RBFOX1: variants seen among roughly 807,000 people sequenced by gnomAD.
The protein encoded by RBFOX1 is RNA binding fox-1 homolog 1, also known as RNA binding protein fox-1 homolog 1.
In RBFOX1, 8 loss-of-function variants were observed where a neutral mutation model predicts 57.7. The ratio of observed to expected loss-of-function variants is 0.14; its 90% CI spans 0.08 to 0.25. RBFOX1 has a LOEUF of 0.25. Among genes scored for constraint, RBFOX1 ranks in the 10% least tolerant of loss-of-function variants. RBFOX1 has a pLI of 1.00. For missense variants in RBFOX1, 611 were observed against 548.5 expected (o/e 1.11, Z -1.14); for synonymous variants, 326 against 222.4 (o/e 1.47, Z -4.15).
intron 9 of RBFOX1, among the ~76,000 whole-genome samples, chr16:7,603,611 A>G (rs909646167): frequency 1.3e-5 from 2 of 152,180 alleles, no homozygotes; most frequent in African/African-American, 2.4e-5. Context: ...GTGAAAAGCT[A>G]GAGAGTTCTC....
chr16:5,961,600 G>T (rs2059750555), intron 4 of RBFOX1, among the ~76,000 whole-genome samples: 1 of 152,122 alleles, frequency 6.6e-6, no homozygotes, highest in Admixed American at 6.5e-5. Context: ...GCTCACTGCA[G>T]CCTCAACCTC....
In RBFOX1 at chr16:6,673,926, G is replaced by C. The variant is rs546405448; in HGVS notation, c.-16+19276G>C. On this transcript the variant is annotated intron_variant, in intron 3 of 15. Coordinates refer to ENST00000550418, the MANE Select transcript of RBFOX1 (RefSeq NM_018723.4). ...ATATTGGGAGGATCCTGAAAGACTG[G>C]CCAGGTGGAATGGATCTGCACACCT... is the stretch of plus-strand genomic sequence containing the variant. 2.0e-5 allele frequency among the ~76,000 whole-genome samples: 3 copies of C among 152,280 alleles called. No homozygotes were observed. The East Asian group carries it at 5.8e-4, about 29-fold the overall frequency.
chr16:5,496,263 T>C (rs1385473592), intron 2 of RBFOX1, among the ~76,000 whole-genome samples: 1 of 152,194 alleles, frequency 6.6e-6, no homozygotes, highest in East Asian at 1.9e-4. Flanking sequence ...CTCTGTACTG[T>C]CACTATTTTC....
rs2082506041 is a variant in RBFOX1, at chr16:6,789,311, AT to A, written c.-16+134662del. ...GCAGTTGATATTTATAGCCAGTGGT[AT>A]AAGACCTTGTCTTCAAGGTGGTGAG... On this transcript the variant is annotated intron_variant, in intron 3 of 15. Transcript: ENST00000550418. Among the ~76,000 whole-genome samples, 6 of 152,330 alleles carry A rather than the reference AT, an allele frequency of 3.9e-5. No homozygotes were observed. The South Asian group carries it at 1.2e-3, about 32-fold the overall frequency.
At chr16:5,410,936 C>G (rs1176591437) in intron 1 of RBFOX1, among the ~76,000 whole-genome samples, 1 of 152,202 alleles carries the variant, frequency 6.6e-6, no homozygotes, top group Non-Finnish European at 1.5e-5. Flanking sequence ...TCATCTCTAA[C>G]TGGGGATCAT....
intron 2 of RBFOX1, among the ~76,000 whole-genome samples, chr16:5,499,611 C>T (rs543561116): frequency 6.3e-4 from 96 of 151,298 alleles, no homozygotes; most frequent in African/African-American, 2.1e-3. Context: ...CTCGCTGTAT[C>T]GTCCAGGCTG....
intron 4 of RBFOX1, among the ~76,000 whole-genome samples, chr16:7,445,788 A>G (rs376702519): frequency 1.3e-5 from 2 of 152,300 alleles, no homozygotes; most frequent in African/African-American, 4.8e-5. Context: ...CTGATATCCC[A>G]AAAGTACCTA....
rs181599693 is a variant in RBFOX1 at position 5,711,612 on chromosome 16, G to A, written c.318+112651G>A. Among the ~76,000 whole-genome samples, 17 of 152,312 alleles carry A rather than the reference G, an allele frequency of 1.1e-4. 1 individual carries two copies. The highest frequency in any genetic ancestry group is 1.1e-3 in the Admixed American group (17 of 15,308). ...ATAGGGAGCCTGGAAGATGTCCTGGGCAGCTTTGGGTGAGATGGGACTGGG... is the reference window on the plus strand; with the variant it reads ...ATAGGGAGCCTGGAAGATGTCCTGGACAGCTTTGGGTGAGATGGGACTGGG... On this transcript the variant is annotated intron_variant, in intron 3 of 19. Transcript: ENST00000641259.
intron 3 of RBFOX1, among the ~76,000 whole-genome samples, chr16:7,011,154 C>G (rs1382810167): frequency 1.3e-5 from 2 of 151,626 alleles, no homozygotes; most frequent in Non-Finnish European, 1.5e-5. Context: ...AAGTCAAAAA[C>G]TGCAGACAGA....
chr16:7,451,709 A>T (rs2098862184), intron 4 of RBFOX1, among the ~76,000 whole-genome samples: 2 of 119,720 alleles, frequency 1.7e-5, no homozygotes. Flanking sequence ...TTTGTGAAGT[A>T]GAGGCTTCCA....
chr16:6,618,474 A>G (rs994181845), intron 2 of RBFOX1, among the ~76,000 whole-genome samples: 3 of 152,200 alleles, frequency 2.0e-5, no homozygotes, highest in Non-Finnish European at 2.9e-5. Flanking sequence ...ATAGTAGCAC[A>G]CACTTCCTGA....
At chr16:6,235,251 C>T (rs996365269) in intron 1 of RBFOX1, among the ~76,000 whole-genome samples, 29 of 152,158 alleles carry the variant, frequency 1.9e-4, no homozygotes, top group Admixed American at 9.8e-4. Context: ...ATTCACATCT[C>T]GGAAGGCCTA....
chr16:6,745,457 T>C (rs568748050), intron 3 of RBFOX1, among the ~76,000 whole-genome samples: 20 of 152,258 alleles, frequency 1.3e-4, no homozygotes, highest in African/African-American at 4.1e-4. Flanking sequence ...ATATCAAGAA[T>C]GAGCAGATTT....
At chr16:5,593,283 T>C (rs1302077001) in intron 2 of RBFOX1, among the ~76,000 whole-genome samples, 1 of 150,294 alleles carries the variant, frequency 6.7e-6, no homozygotes, top group African/African-American at 2.5e-5. Flanking sequence ...TAAGTGGGAG[T>C]TGAACAATAA....
At chr16:7,150,737 A>T (rs1312095848) in intron 4 of RBFOX1, among the ~76,000 whole-genome samples, 1 of 152,210 alleles carries the variant, frequency 6.6e-6, no homozygotes, top group Non-Finnish European at 1.5e-5. Context: ...TTTGCTTCTT[A>T]CTTGCAAAAT....
chr16:5,612,479 C>G (rs933619263), intron 3 of RBFOX1, among the ~76,000 whole-genome samples: 30 of 152,190 alleles, frequency 2.0e-4, no homozygotes, highest in Non-Finnish European at 3.8e-4. Flanking sequence ...TGAGCAGATA[C>G]TCATACAAAA....
chr16:6,142,186 CTGCAAAA>C (rs1428239229), intron 1 of RBFOX1, among the ~76,000 whole-genome samples: 20 of 55,406 alleles, frequency 3.6e-4, no homozygotes, highest in African/African-American at 1.5e-3. Context: ...GTTGCTGCTG[CTGCAAAA>C]AAAAAAAAAA....
At chr16:6,642,121 A>G (rs2098496553) in intron 2 of RBFOX1, among the ~76,000 whole-genome samples, 1 of 152,190 alleles carries the variant, frequency 6.6e-6, no homozygotes, top group African/African-American at 2.4e-5. Context: ...AAATGAAAAG[A>G]GACGCCAAGC....
At chr16:6,668,028 G>A (rs2098743237) in intron 3 of RBFOX1, among the ~76,000 whole-genome samples, 1 of 152,176 alleles carries the variant, frequency 6.6e-6, no homozygotes, top group South Asian at 2.1e-4. Context: ...TCTAGGACAA[G>A]TTAAGATAAT....
Sources: gnomAD v4.1 joint callset for allele counts (sites outside exome capture counted in the v4.1 genomes callset) on GRCh38, gnomAD v4.1.1 for gene constraint, MANE v1.5 for transcripts, NCBI Gene and HGNC (gene_info 2026-07-23, HGNC 2026-07-21) for gene names.